CCNY: variants seen among roughly 807,000 people sequenced by gnomAD.
The protein encoded by CCNY is cyclin-Y.
In CCNY, 19 loss-of-function variants were observed where a neutral mutation model predicts 42.8. That is an observed-to-expected ratio of 0.44 (90% CI 0.31 to 0.65). CCNY has a LOEUF of 0.65. CCNY is among the 30% of genes least tolerant of loss of function. The pLI is 0.07. For synonymous variants in CCNY, 165 were observed against 162.7 expected (o/e 1.01, Z -0.11); for missense variants, 370 against 437.3 (o/e 0.85, Z 1.37).
At chr10:35,492,522 G>A (rs1023118643) in intron 2 of CCNY, among the ~76,000 whole-genome samples, 7 of 152,270 alleles carry the variant, frequency 4.6e-5, no homozygotes, top group East Asian at 3.9e-4. Flanking sequence ...GTGGCATTAC[G>A]TTCAGTGCAG....
At chr10:35,545,550 G>A (rs1841094724) in intron 7 of CCNY, among the ~76,000 whole-genome samples, 1 of 152,136 alleles carries the variant, frequency 6.6e-6, no homozygotes. Context: ...TATTGTGTTA[G>A]GTCCTGCCCT....
intron 1 of CCNY, among the ~76,000 whole-genome samples, chr10:35,382,519 A>T (rs1837210179): frequency 6.6e-6 from 1 of 152,134 alleles, no homozygotes; most frequent in Non-Finnish European, 1.5e-5. Context: ...CCCAGGGCAC[A>T]TTTGGCAAGG....
chr10:35,307,811 TA>T (rs1379958293), intron 3 of CCNY, among the ~76,000 whole-genome samples: 88 of 74,282 alleles, frequency 1.2e-3, no homozygotes, highest in Admixed American at 3.0e-3. Flanking sequence ...TATATATATA[TA>T]TATATATTTT....
rs151204027 is a variant in CCNY, at chr10:35,530,021, C to G, written c.450C>G (p.His150Gln). The change falls in exon 6 of 10, where the codon CAC becomes CAG. Residue 150 changes from histidine (H) to glutamine (Q), a missense_variant. Physicochemically the swap from His to Gln is conservative, Grantham distance 24. Around this residue, in one of 2 missense-constraint regions of CCNY, gnomAD observed 234 missense variants for 313.1 expected, o/e 0.75. Transcript: ENST00000374704. The surrounding 1 kb of genome is among the most constrained non-coding windows in gnomAD (Gnocchi z 4.3). ...MLLDIFDENL[H>Q]PLSKSEVPPD... ...TAGATATTTTTGATGAAAATCTTCA[C>G]CCTCTTTCGGTAATCTCCTCCGTGT... The G allele has an allele frequency of 6.2e-7, 1 of 1,614,116 alleles. No individual in the cohort carries two copies. The highest frequency in any genetic ancestry group is 8.5e-7 in the Non-Finnish European group (1 of 1,179,952).
chr10:35,398,986 G>C (rs1837585024), intron 1 of CCNY, among the ~76,000 whole-genome samples: 1 of 152,194 alleles, frequency 6.6e-6, no homozygotes, highest in African/African-American at 2.4e-5. Context: ...TGGCCTTTCA[G>C]CTTGGTATGT....
intron 1 of CCNY, among the ~76,000 whole-genome samples, chr10:35,463,308 T>C (rs189803411): frequency 1.9e-4 from 28 of 150,014 alleles, no homozygotes; most frequent in Admixed American, 5.3e-4. Context: ...AGATGCTTAC[T>C]AAACATTAGT....
intron 1 of CCNY, among the ~76,000 whole-genome samples, chr10:35,398,894 G>A (rs935301103): frequency 2.0e-5 from 3 of 152,212 alleles, no homozygotes; most frequent in Admixed American, 6.5e-5. Context: ...GAGAACTGGT[G>A]GAGCCTGGGA....
intron 1 of CCNY, among the ~76,000 whole-genome samples, chr10:35,415,159 C>G (rs987472996): frequency 6.6e-6 from 1 of 152,188 alleles, no homozygotes; most frequent in African/African-American, 2.4e-5. Context: ...AGGCCGTGCA[C>G]TCAGAGGAGA....
chr10:35,450,620 A>C (rs1018994534), intron 1 of CCNY, among the ~76,000 whole-genome samples: 2 of 151,572 alleles, frequency 1.3e-5, no homozygotes, highest in Non-Finnish European at 2.9e-5. Context: ...GGTTCCCATC[A>C]TTGTGGAGCT....
At chr10:35,308,162 TGTTA>T (rs1230067311) in intron 3 of CCNY, among the ~76,000 whole-genome samples, 3 of 151,814 alleles carry the variant, frequency 2.0e-5, no homozygotes, top group Admixed American at 6.6e-5. Context: ...GTTTTGGAGC[TGTTA>T]GTTTGTCTAA....
intron 7 of CCNY, among the ~76,000 whole-genome samples, chr10:35,551,846 A>G (rs1315633481): frequency 2.0e-5 from 3 of 152,268 alleles, no homozygotes; most frequent in African/African-American, 7.2e-5. Flanking sequence ...ACACATTAGG[A>G]TGACTATTAC....
At chr10:35,299,350 C>T (rs1204409756) in intron 3 of CCNY, among the ~76,000 whole-genome samples, 1 of 152,222 alleles carries the variant, frequency 6.6e-6, no homozygotes, top group Non-Finnish European at 1.5e-5. Flanking sequence ...TCTATCAATA[C>T]AAGAGAAGGT....
intron 3 of CCNY, among the ~76,000 whole-genome samples, chr10:35,513,014 A>G (rs1292253241): frequency 2.0e-5 from 3 of 152,124 alleles, no homozygotes; most frequent in Non-Finnish European, 4.4e-5. Context: ...GAATTATCTA[A>G]GGGGATAATC....
chr10:35,321,878 C>G (rs1835826103), intron 3 of CCNY, among the ~76,000 whole-genome samples: 1 of 152,084 alleles, frequency 6.6e-6, no homozygotes. Context: ...AATAAATGAA[C>G]CCGCATGTCT....
At chr10:35,419,087 A>AT (rs1838096252) in intron 1 of CCNY, among the ~76,000 whole-genome samples, 1 of 152,176 alleles carries the variant, frequency 6.6e-6, no homozygotes, top group African/African-American at 2.4e-5. Flanking sequence ...TGCTGAGATT[A>AT]TAGGCATGAG....
At chr10:35,454,059 G>A (rs1477189703) in intron 1 of CCNY, among the ~76,000 whole-genome samples, 1 of 152,104 alleles carries the variant, frequency 6.6e-6, no homozygotes, top group African/African-American at 2.4e-5. Context: ...TGTGACAGGC[G>A]GCGAATCCAG....
At chr10:35,476,208 A>C (rs896561857) in intron 1 of CCNY, among the ~76,000 whole-genome samples, 9 of 152,216 alleles carry the variant, frequency 5.9e-5, no homozygotes, top group Non-Finnish European at 4.4e-5. Flanking sequence ...ACCCACTGTC[A>C]ACATTAGACA....
At chr10:35,314,545 C>CATTTATA (rs1425392101) in intron 3 of CCNY, 2 of 152,064 alleles carry the variant, frequency 1.3e-5, no homozygotes, top group East Asian at 1.9e-4. Flanking sequence ...CATATCACAC[C>CATTTATA]ATTTATAATT....
At chr10:35,489,834 A>C (rs920168260) in intron 2 of CCNY, among the ~76,000 whole-genome samples, 12 of 152,242 alleles carry the variant, frequency 7.9e-5, no homozygotes, top group African/African-American at 2.9e-4. Context: ...TCATTTTTAC[A>C]GTTTCTGGGA....
Sources: allele counts gnomAD v4.1 joint callset (sites outside exome capture counted in the v4.1 genomes callset), GRCh38; gene constraint gnomAD v4.1.1; regional missense constraint gnomAD v4.1.1; non-coding constraint Gnocchi (gnomAD v3.1); transcripts MANE v1.5; gene names NCBI Gene and HGNC (gene_info 2026-07-23, HGNC 2026-07-21).